The following MDGA2 variants were observed in gnomAD, a reference collection of about 807,000 sequenced individuals.
The protein encoded by MDGA2 is MAM domain-containing glycosylphosphatidylinositol anchor protein 2.
Under a neutral mutation model 117.8 loss-of-function variants are expected in MDGA2, and 40 were observed. That is an observed-to-expected ratio of 0.34 (90% CI 0.26 to 0.44). The LOEUF (loss-of-function observed/expected upper bound fraction) is 0.44, where lower values mean the gene tolerates loss of function less well. Ranked by LOEUF, MDGA2 falls within the 20% of genes least tolerant of loss-of-function variation. The probability of loss-of-function intolerance (pLI) is 1.00; values close to 1 mark genes in which losing one functional copy is unlikely to be tolerated. For missense variants in MDGA2, 1,123 were observed against 1,250.6 expected, an observed-to-expected ratio of 0.90 and a Z score of 1.54; for synonymous variants, 452 against 439.0, an observed-to-expected ratio of 1.03 and a Z score of -0.37.
At position 47,249,145 on chromosome 14, in the gene MDGA2, G is replaced by C. The variant is rs547977706; in HGVS notation, c.421-30950C>G. Among the ~76,000 whole-genome samples the C allele has an allele frequency of 5.3e-5, 8 of 151,852 alleles. No individual in the cohort carries two copies. In the South Asian group the frequency reaches 1.7e-3, roughly 32 times the overall value. Reference sequence around the variant, plus strand: ...TGATTCTCCTGCCTCAGCCCCCCGAGTAGATGGGACTACAGGCACGCACCA... The same window carrying C: ...TGATTCTCCTGCCTCAGCCCCCCGACTAGATGGGACTACAGGCACGCACCA... On this transcript the variant is annotated intron_variant, in intron 2 of 16. Coordinates refer to ENST00000399232, the MANE Select transcript of MDGA2 (RefSeq NM_001113498.3).
chr14:46,872,470 T>A (rs542253324), intron 14 of MDGA2, among the ~76,000 whole-genome samples: 11 of 151,916 alleles, frequency 7.2e-5, no homozygotes, highest in Non-Finnish European at 1.6e-4. Context: ...AGATCCACAA[T>A]CCCTGGTTCA....
At chr14:46,867,133 G>C (rs891658571) in intron 14 of MDGA2, among the ~76,000 whole-genome samples, 20 of 152,134 alleles carry the variant, frequency 1.3e-4, no homozygotes, top group African/African-American at 4.6e-4. Context: ...CAAAGACTTG[G>C]AACCAACCCA....
intron 9 of MDGA2, among the ~76,000 whole-genome samples, chr14:46,927,437 G>C (rs1884374499): frequency 6.6e-6 from 1 of 152,056 alleles, no homozygotes; most frequent in South Asian, 2.1e-4. Context: ...TTAAACAATT[G>C]TATTTGATTT....
intron 1 of MDGA2, among the ~76,000 whole-genome samples, chr14:47,331,806 T>C (rs977995401): frequency 1.3e-5 from 2 of 152,032 alleles, no homozygotes; most frequent in African/African-American, 4.8e-5. Context: ...TGTCAGTAAT[T>C]AAATTTATGT....
At chr14:47,260,046 G>C (rs1308613888) in intron 2 of MDGA2, among the ~76,000 whole-genome samples, 1 of 152,048 alleles carries the variant, frequency 6.6e-6, no homozygotes, top group Non-Finnish European at 1.5e-5. Flanking sequence ...CATCTCCAGA[G>C]ATCAAGGGAG....
chr14:47,355,154 C>G (rs1389064415), intron 1 of MDGA2, among the ~76,000 whole-genome samples: 1 of 152,140 alleles, frequency 6.6e-6, no homozygotes, highest in Non-Finnish European at 1.5e-5. Context: ...CCTCGCACAT[C>G]TGCTTATTTT....
intron 1 of MDGA2, among the ~76,000 whole-genome samples, chr14:47,390,257 G>A (rs1472674775): frequency 1.3e-5 from 2 of 152,130 alleles, no homozygotes; most frequent in African/African-American, 4.8e-5. Context: ...TGCAATATAT[G>A]TAACTCTTTT....
chr14:47,345,194 A>G (rs1051736966), intron 1 of MDGA2, among the ~76,000 whole-genome samples: 5 of 152,128 alleles, frequency 3.3e-5, no homozygotes, highest in African/African-American at 9.6e-5. Context: ...TGCCAGGAGT[A>G]GTTCTACAGT....
At chr14:47,451,732 T>TCCTC (rs1893245115) in intron 1 of MDGA2, among the ~76,000 whole-genome samples, 1 of 152,146 alleles carries the variant, frequency 6.6e-6, no homozygotes, top group Non-Finnish European at 1.5e-5. Context: ...GAGATTTCTG[T>TCCTC]CCTGCCCAGT....
chr14:47,049,813 C>G (rs1053371116), intron 7 of MDGA2, among the ~76,000 whole-genome samples: 1 of 151,984 alleles, frequency 6.6e-6, no homozygotes, highest in Admixed American at 6.6e-5. Context: ...GACAGAACAC[C>G]TATAAAATTT....
intron 6 of MDGA2, among the ~76,000 whole-genome samples, chr14:47,072,971 G>T (rs1474151980): frequency 6.6e-6 from 1 of 152,150 alleles, no homozygotes; most frequent in Non-Finnish European, 1.5e-5. Context: ...TAACAAAAGA[G>T]TCTAACCTGA....
chr14:47,201,239 A>G, intron 3 of MDGA2: 1 of 494,404 alleles, frequency 2.0e-6, no homozygotes, highest in Non-Finnish European at 3.7e-6. Context: ...TCCTGCTACC[A>G]AATGCTGTGA....
At chr14:47,032,456 G>A (rs573027087) in intron 8 of MDGA2, among the ~76,000 whole-genome samples, 1 of 152,128 alleles carries the variant, frequency 6.6e-6, no homozygotes, top group South Asian at 2.1e-4. Flanking sequence ...GTATGGAGGT[G>A]CACACTTGTA....
intron 1 of MDGA2, among the ~76,000 whole-genome samples, chr14:47,347,366 T>C (rs186937229): frequency 2.0e-5 from 3 of 152,266 alleles, no homozygotes; most frequent in Admixed American, 2.0e-4. Context: ...GCAGAAAACA[T>C]GGCAATGAGA....
At chr14:47,363,843 G>C (rs1395685078) in intron 1 of MDGA2, among the ~76,000 whole-genome samples, 1 of 152,076 alleles carries the variant, frequency 6.6e-6, no homozygotes, top group Admixed American at 6.5e-5. Context: ...TGAGTGCAAA[G>C]AGTATTTCTA....
At chr14:47,507,497 G>A (rs1257714039) in intron 1 of MDGA2, among the ~76,000 whole-genome samples, 1 of 152,174 alleles carries the variant, frequency 6.6e-6, no homozygotes, top group African/African-American at 2.4e-5. Context: ...AAAGGAGAGA[G>A]AACAAGATTT....
chr14:47,644,499 C>T (rs1343650829), intron 1 of MDGA2, among the ~76,000 whole-genome samples: 1 of 151,920 alleles, frequency 6.6e-6, no homozygotes, highest in Non-Finnish European at 1.5e-5. Context: ...TATGTGGGAT[C>T]TAAAAAAGCT....
intron 2 of MDGA2, among the ~76,000 whole-genome samples, chr14:47,286,303 C>G (rs1471009924): frequency 6.6e-6 from 1 of 151,984 alleles, no homozygotes; most frequent in Non-Finnish European, 1.5e-5. Flanking sequence ...CCCTATTGTG[C>G]TACCAAACAT....
At chr14:47,465,323 T>C (rs1241993274) in intron 1 of MDGA2, among the ~76,000 whole-genome samples, 2 of 151,908 alleles carry the variant, frequency 1.3e-5, no homozygotes, top group Non-Finnish European at 2.9e-5. Context: ...AAAGGAAAAA[T>C]TGACTAGTGA....
Sources: gnomAD v4.1 joint callset for allele counts (sites outside exome capture counted in the v4.1 genomes callset) on GRCh38, gnomAD v4.1.1 for gene constraint, MANE v1.5 for transcripts, NCBI Gene and HGNC (gene_info 2026-07-23, HGNC 2026-07-21) for gene names.